The following MED13L variants were observed in gnomAD, a reference collection of about 807,000 sequenced individuals.
The protein encoded by MED13L is mediator of RNA polymerase II transcription subunit 13-like.
Under a neutral mutation model 220.9 loss-of-function variants are expected in MED13L, and 7 were observed. The ratio of observed to expected loss-of-function variants is 0.03; its 90% CI spans 0.02 to 0.06. The LOEUF is 0.06. MED13L is among the 10% of genes least tolerant of loss of function. MED13L has a pLI of 1.00. For missense variants in MED13L, 1,965 were observed against 2,760.5 expected, an observed-to-expected ratio of 0.71 and a Z score of 6.46; for synonymous variants, 1,011 against 1,015.2, an observed-to-expected ratio of 1.00 and a Z score of 0.08.
At chr12:116,158,728 T>C (rs541117163) in intron 2 of MED13L, among the ~76,000 whole-genome samples, 1 of 152,198 alleles carries the variant, frequency 6.6e-6, no homozygotes, top group Non-Finnish European at 1.5e-5. Context: ...GTGACTAGCA[T>C]TGTGGTAATG....
chr12:116,226,063 T>C (rs1214502437), intron 2 of MED13L, among the ~76,000 whole-genome samples: 2 of 150,336 alleles, frequency 1.3e-5, no homozygotes, highest in East Asian at 1.9e-4. Flanking sequence ...TTTTATCTTT[T>C]TTTTTTTTTT....
intron 2 of MED13L, among the ~76,000 whole-genome samples, chr12:116,112,143 T>A (rs141749364): frequency 1.6e-3 from 240 of 152,270 alleles, no homozygotes; most frequent in African/African-American, 5.6e-3. Context: ...CACAAGTAAC[T>A]CCAACACCAA....
chr12:116,070,409 T>A (rs2137679993), intron 4 of MED13L, among the ~76,000 whole-genome samples: 1 of 152,374 alleles, frequency 6.6e-6, no homozygotes, highest in South Asian at 2.1e-4. Context: ...GGCACTCTCC[T>A]AAGCACTTTT....
chr12:116,266,349 C>T (rs1872829096), intron 1 of MED13L, among the ~76,000 whole-genome samples: 1 of 152,154 alleles, frequency 6.6e-6, no homozygotes, highest in Admixed American at 6.5e-5. Flanking sequence ...CATCACAGAA[C>T]CTGCCACTAG....
chr12:116,219,778 A>C (rs752246860), intron 2 of MED13L, among the ~76,000 whole-genome samples: 29 of 152,110 alleles, frequency 1.9e-4, no homozygotes, highest in Non-Finnish European at 3.4e-4. Flanking sequence ...AAGTAAGTTC[A>C]ACTGCCAGTT....
intron 19 of MED13L, among the ~76,000 whole-genome samples, chr12:115,984,626 A>C (rs1443244573): frequency 1.3e-5 from 2 of 152,190 alleles, no homozygotes; most frequent in African/African-American, 4.8e-5. Flanking sequence ...ACTCAAGCCA[A>C]TTCCTCCTGT....
chr12:116,067,602 G>A (rs769018105), intron 4 of MED13L, among the ~76,000 whole-genome samples: 58 of 152,104 alleles, frequency 3.8e-4, no homozygotes, highest in Non-Finnish European at 7.4e-4. Flanking sequence ...AAGCAAAAAA[G>A]CATGAAACAA....
chr12:116,118,489 A>C (rs1202923136), intron 2 of MED13L, among the ~76,000 whole-genome samples: 1 of 152,216 alleles, frequency 6.6e-6, no homozygotes, highest in Non-Finnish European at 1.5e-5. Flanking sequence ...AAAAAATTAT[A>C]AGCCAATAAC....
intron 2 of MED13L, among the ~76,000 whole-genome samples, chr12:116,168,719 G>T (rs1290536676): frequency 6.6e-6 from 1 of 152,150 alleles, no homozygotes; most frequent in Admixed American, 6.5e-5. Flanking sequence ...AGGGCAAATG[G>T]ATGAAACTAC....
At chr12:116,216,203 G>A (rs117888899) in intron 2 of MED13L, among the ~76,000 whole-genome samples, 310 of 152,120 alleles carry the variant, frequency 2.0e-3, no homozygotes, top group Non-Finnish European at 3.6e-3. Flanking sequence ...ATTTAGAGAC[G>A]GGGTCTCACT....
At chr12:116,197,315 C>T (rs777952861) in intron 2 of MED13L, among the ~76,000 whole-genome samples, 12 of 152,204 alleles carry the variant, frequency 7.9e-5, no homozygotes, top group Non-Finnish European at 1.5e-4. Context: ...GTTATCTGTA[C>T]ATGTCAGTAG....
intron 4 of MED13L, among the ~76,000 whole-genome samples, chr12:116,082,077 A>C (rs930390483): frequency 6.6e-6 from 1 of 152,244 alleles, no homozygotes; most frequent in Non-Finnish European, 1.5e-5. Context: ...GGACAAAAGA[A>C]TAAATGGCAA....
At chr12:116,165,340 T>A (rs1023298325) in intron 2 of MED13L, among the ~76,000 whole-genome samples, 1 of 150,364 alleles carries the variant, frequency 6.7e-6, no homozygotes, top group African/African-American at 2.5e-5. Flanking sequence ...TTTTTGTTTG[T>A]TTATTTTTGA....
At chr12:116,185,449 T>G (rs977666322) in intron 2 of MED13L, among the ~76,000 whole-genome samples, 10 of 152,060 alleles carry the variant, frequency 6.6e-5, no homozygotes, top group African/African-American at 2.4e-4. Context: ...AAAAGATCTT[T>G]GTAAGACTAT....
At position 116,090,712 on chromosome 12, in the gene MED13L, C is replaced by T. The variant is rs546908529; in HGVS notation, c.479+5957G>A. ...GTTAATGGAAGATCATCTACATTTCCGGATGAACGGTCTATTGAACAAGGA... is the reference window on the plus strand; with the variant it reads ...GTTAATGGAAGATCATCTACATTTCTGGATGAACGGTCTATTGAACAAGGA... On this transcript the variant is annotated intron_variant, in intron 4 of 30. Coordinates refer to ENST00000281928, the MANE Select transcript of MED13L (RefSeq NM_015335.5). Among the ~76,000 whole-genome samples, 16 of 152,230 alleles carry T rather than the reference C, an allele frequency of 1.1e-4. 1 individual carries two copies. The South Asian group carries it at 2.7e-3, about 26-fold the overall frequency.
chr12:116,139,532 G>C lies in MED13L; in HGVS notation c.311-28020C>G, dbSNP rs375039498. Among the ~76,000 whole-genome samples the C allele has an allele frequency of 3.9e-5, 6 of 151,912 alleles. No homozygotes were observed. The East Asian group carries it at 5.8e-4, about 15-fold the overall frequency. On this transcript the variant is annotated intron_variant, in intron 2 of 30. Coordinates refer to ENST00000281928, the MANE Select transcript of MED13L (RefSeq NM_015335.5). ...TGTTTTTACACTTACCTTCATTTAA[G>C]AAAAAGGATAAATGACCCTCTTACA... is the stretch of plus-strand genomic sequence containing the variant.
intron 4 of MED13L, among the ~76,000 whole-genome samples, chr12:116,035,339 A>G (rs1881117882): frequency 6.9e-6 from 1 of 145,404 alleles, no homozygotes; most frequent in Admixed American, 7.3e-5. Context: ...CACTAAAAAC[A>G]ACAATAATAA....
At chr12:116,111,400 A>C in intron 3 of MED13L, 28 bp downstream of exon 3, 951 of 1,582,914 alleles carry the variant, frequency 6.0e-4, no homozygotes, top group Non-Finnish European at 7.7e-4. Flanking sequence ...GTTGTCTGCA[A>C]ACCACTGTCT....
chr12:116,161,697 G>A (rs1475990606), intron 2 of MED13L, among the ~76,000 whole-genome samples: 1 of 152,086 alleles, frequency 6.6e-6, no homozygotes, highest in African/African-American at 2.4e-5. Flanking sequence ...CATAGGAGGA[G>A]CTGCTTACTC....
Sources: allele counts gnomAD v4.1 joint callset (sites outside exome capture counted in the v4.1 genomes callset), GRCh38; gene constraint gnomAD v4.1.1; transcripts MANE v1.5; gene names NCBI Gene and HGNC (gene_info 2026-07-23, HGNC 2026-07-21).